The following DIP2C variants were observed in gnomAD, a reference collection of about 807,000 sequenced individuals.
DIP2C encodes disco-interacting protein 2 homolog C.
In DIP2C, 33 loss-of-function variants were observed where a neutral mutation model predicts 192.4. That is an observed-to-expected ratio of 0.17 (90% CI 0.13 to 0.23). The LOEUF is 0.23. Ranked by LOEUF, DIP2C falls within the 10% of genes least tolerant of loss-of-function variation. The pLI is 1.00. For synonymous variants in DIP2C, 979 were observed against 864.1 expected, an observed-to-expected ratio of 1.13 and a Z score of -2.33; for missense variants, 1,537 against 2,110.1, an observed-to-expected ratio of 0.73 and a Z score of 5.32.
intron 1 of DIP2C, among the ~76,000 whole-genome samples, chr10:583,174 T>C (rs1273507753): frequency 6.6e-6 from 1 of 152,158 alleles, no homozygotes; most frequent in African/African-American, 2.4e-5. Context: ...AATACACTCA[T>C]AGGAAAAAGA....
At chr10:409,628 A>G (rs544210071) in intron 8 of DIP2C, among the ~76,000 whole-genome samples, 1 of 152,378 alleles carries the variant, frequency 6.6e-6, no homozygotes, top group Non-Finnish European at 1.5e-5. Flanking sequence ...CAACGGTGTC[A>G]CTGCCACAAA....
intron 1 of DIP2C, among the ~76,000 whole-genome samples, chr10:578,856 T>C (rs1406500857): frequency 4.6e-5 from 7 of 152,152 alleles, no homozygotes; most frequent in Non-Finnish European, 1.5e-5. Flanking sequence ...TGTACGTACA[T>C]AGGTACACTA....
chr10:386,755 T>A (rs1450635919), intron 14 of DIP2C, among the ~76,000 whole-genome samples: 2 of 152,196 alleles, frequency 1.3e-5, no homozygotes, highest in Non-Finnish European at 2.9e-5. Context: ...ATGTGACAAC[T>A]CCTAGAATTT....
At chr10:290,922 G>A (rs983816508) in intron 32 of DIP2C, among the ~76,000 whole-genome samples, 4 of 152,244 alleles carry the variant, frequency 2.6e-5, no homozygotes, top group Non-Finnish European at 4.4e-5. Flanking sequence ...GGGAGCTGTC[G>A]CTACAGGGAT....
intron 1 of DIP2C, among the ~76,000 whole-genome samples, chr10:586,836 GC>G (rs527374816): frequency 1.4e-5 from 2 of 144,218 alleles, no homozygotes; most frequent in African/African-American, 2.9e-5. Flanking sequence ...ATCAAATGCT[GC>G]CCCCCACATT....
intron 6 of DIP2C, among the ~76,000 whole-genome samples, chr10:416,598 G>A (rs1038155490): frequency 2.0e-5 from 3 of 152,178 alleles, no homozygotes; most frequent in South Asian, 2.1e-4. Context: ...CAAGTGGACC[G>A]AGAAAAGCCC....
At chr10:419,007 C>G in intron 6 of DIP2C, 58 bp downstream of exon 6, 1 of 1,609,234 alleles carries the variant, frequency 6.2e-7, no homozygotes, top group Non-Finnish European at 8.5e-7. Flanking sequence ...GGGCACGGAA[C>G]GGGACGTCAG....
chr10:543,776 C>A (rs1848130105), intron 1 of DIP2C, among the ~76,000 whole-genome samples: 1 of 152,232 alleles, frequency 6.6e-6, no homozygotes, highest in Non-Finnish European at 1.5e-5. Flanking sequence ...ACCATAAAAT[C>A]CCCCATATTA....
chr10:401,348 T>C lies in DIP2C; in HGVS notation c.1150-2129A>G, dbSNP rs1302307442. On this transcript the variant is annotated intron_variant, in intron 9 of 36. Coordinates refer to ENST00000280886, the MANE Select transcript of DIP2C (RefSeq NM_014974.3). ...AGCACATGAATCCTATGATTTTACATGTGTGGTAGCATTAGCATTACTCTT... is the reference window on the plus strand; with the variant it reads ...AGCACATGAATCCTATGATTTTACACGTGTGGTAGCATTAGCATTACTCTT... Among the ~76,000 whole-genome samples, 167 of 149,684 alleles carry C rather than the reference T, an allele frequency of 1.1e-3. 2 individuals carry two copies. The highest frequency in any genetic ancestry group is 4.0e-3 in the African/African-American group (162 of 40,730).
At chr10:554,748 C>T (rs1469944726) in intron 1 of DIP2C, among the ~76,000 whole-genome samples, 1 of 152,232 alleles carries the variant, frequency 6.6e-6, no homozygotes, top group Non-Finnish European at 1.5e-5. Context: ...GGGGAGCAAT[C>T]ACCGAGTTGC....
At position 505,797 on chromosome 10, in the gene DIP2C, CCT is replaced by C. The variant is rs1449350969; in HGVS notation, c.86-19269_86-19268del. Among the ~76,000 whole-genome samples, 11 of 152,070 alleles carry C rather than the reference CCT, an allele frequency of 7.2e-5. No homozygotes were observed. In the East Asian group the frequency reaches 1.4e-3, roughly 19 times the overall value. ...CCCAGCTGTGCTTCCTGTGGGTGCCCCTGACACCACAGGAGATGGGGACCACC... is the reference window on the plus strand; with the variant it reads ...CCCAGCTGTGCTTCCTGTGGGTGCCCGACACCACAGGAGATGGGGACCACC... On this transcript the variant is annotated intron_variant, in intron 1 of 36. Coordinates refer to ENST00000280886, the MANE Select transcript of DIP2C (RefSeq NM_014974.3).
intron 10 of DIP2C, among the ~76,000 whole-genome samples, chr10:396,649 T>C (rs1220765591): frequency 1.3e-5 from 2 of 152,082 alleles, no homozygotes; most frequent in Non-Finnish European, 2.9e-5. Context: ...CCTCACTAGA[T>C]CCCAGGACTG....
intron 31 of DIP2C, among the ~76,000 whole-genome samples, chr10:323,598 G>A (rs532406022): frequency 1.3e-5 from 2 of 152,308 alleles, no homozygotes; most frequent in African/African-American, 4.8e-5. Context: ...AATTCTGGCA[G>A]TGTCTTAATT....
At chr10:353,941 G>A (rs1383923145) in intron 24 of DIP2C, among the ~76,000 whole-genome samples, 1 of 152,240 alleles carries the variant, frequency 6.6e-6, no homozygotes, top group South Asian at 2.1e-4. Context: ...GAACAGGGAA[G>A]CTGATTTAGG....
At chr10:323,364 G>A (rs1330449284) in intron 31 of DIP2C, among the ~76,000 whole-genome samples, 9 of 103,794 alleles carry the variant, frequency 8.7e-5, no homozygotes, top group East Asian at 2.8e-4. Flanking sequence ...GCGAGAGACC[G>A]GCGCTGTTAG....
intron 32 of DIP2C, among the ~76,000 whole-genome samples, chr10:309,211 G>A (rs1327608108): frequency 4.6e-5 from 7 of 151,904 alleles, no homozygotes; most frequent in Admixed American, 4.6e-4. Context: ...CTCCTTGGCG[G>A]GCAGAGATTC....
intron 1 of DIP2C, among the ~76,000 whole-genome samples, chr10:672,703 A>G (rs1042420578): frequency 1.3e-5 from 2 of 152,268 alleles, no homozygotes; most frequent in Non-Finnish European, 2.9e-5. Context: ...GAAATGCCAC[A>G]GAGGTGATTC....
chr10:678,661 CTGTG>C lies in DIP2C; in HGVS notation c.85+10829_85+10832del, dbSNP rs1564335064. Among the ~76,000 whole-genome samples the C allele has an allele frequency of 1.8e-3, 42 of 23,424 alleles. 1 individual carries two copies. The highest frequency in any genetic ancestry group is 2.3e-3 in the African/African-American group (39 of 16,702). 15.4% of individuals were successfully genotyped at this position (23,424 alleles called of 152,430 possible). A position where few individuals can be genotyped will look rare whatever the true frequency, so the allele number is the denominator to read the frequency against. On this transcript the variant is annotated intron_variant, in intron 1 of 36. Transcript: ENST00000280886. ...TCCATGCTCCCCGCACCTGTCCTCC[CTGTG>C]CCCAGCTCCCCACGCCCATGCTCCC...
At chr10:655,664 G>A (rs2132037807) in intron 1 of DIP2C, among the ~76,000 whole-genome samples, 1 of 152,110 alleles carries the variant, frequency 6.6e-6, no homozygotes, top group East Asian at 1.9e-4. Context: ...ACTACATTAT[G>A]CTATGCAATA....
Sources: gnomAD v4.1 joint callset for allele counts (sites outside exome capture counted in the v4.1 genomes callset) on GRCh38, gnomAD v4.1.1 for gene constraint, MANE v1.5 for transcripts, NCBI Gene and HGNC (gene_info 2026-07-23, HGNC 2026-07-21) for gene names.